The following ENOX1 variants were observed in gnomAD, a reference collection of about 807,000 sequenced individuals.
ENOX1 encodes the protein candidate growth-related and time keeping constitutive hydroquinone (NADH) oxidase.
Under a neutral mutation model 82.5 loss-of-function variants are expected in ENOX1, and 42 were observed. The observed-to-expected ratio is 0.51, with a 90% CI of 0.40 to 0.66. The LOEUF is 0.66. ENOX1 is among the 30% of genes least tolerant of loss of function. ENOX1 has a pLI of 0.00. For synonymous variants in ENOX1, 271 were observed against 282.2 expected (o/e 0.96, Z 0.40); for missense variants, 608 against 811.6 (o/e 0.75, Z 3.05).
chr13:43,614,021 C>G (rs2082305327), intron 2 of ENOX1, among the ~76,000 whole-genome samples: 1 of 152,082 alleles, frequency 6.6e-6, no homozygotes, highest in South Asian at 2.1e-4. Context: ...GTCAGCTGTC[C>G]TAGGAATGCA....
chr13:43,508,479 A>T (rs1291646831), intron 2 of ENOX1, among the ~76,000 whole-genome samples: 1 of 152,032 alleles, frequency 6.6e-6, no homozygotes. Flanking sequence ...ACACAGACTA[A>T]GTAATAGTCT....
intron 2 of ENOX1, among the ~76,000 whole-genome samples, chr13:43,592,151 C>A (rs563289207): frequency 3.0e-4 from 46 of 152,188 alleles, no homozygotes; most frequent in Non-Finnish European, 5.4e-4. Context: ...AATAATTTGA[C>A]CAACTTTTTG....
chr13:43,603,553 A>C, intron 2 of ENOX1, among the ~76,000 whole-genome samples: 1 of 135,580 alleles, frequency 7.4e-6, no homozygotes, highest in Admixed American at 7.6e-5. Context: ...CCACCCCACA[A>C]CAGGCCCTGG....
intron 10 of ENOX1, among the ~76,000 whole-genome samples, chr13:43,326,027 CT>C (rs2048092215): frequency 6.6e-6 from 1 of 151,820 alleles, no homozygotes; most frequent in African/African-American, 2.4e-5. Flanking sequence ...GAAAGGCGTA[CT>C]TGTCCAAAGA....
At chr13:43,700,863 T>C (rs1566792595) in intron 1 of ENOX1, among the ~76,000 whole-genome samples, 1 of 152,176 alleles carries the variant, frequency 6.6e-6, no homozygotes, top group Non-Finnish European at 1.5e-5. Context: ...TAAGATATAA[T>C]GATTGTGAAA....
chr13:43,398,197 C>T (rs1424631450), intron 5 of ENOX1, among the ~76,000 whole-genome samples: 1 of 152,198 alleles, frequency 6.6e-6, no homozygotes, highest in African/African-American at 2.4e-5. Flanking sequence ...ATAGCAGATA[C>T]TCAATACACG....
intron 2 of ENOX1, among the ~76,000 whole-genome samples, chr13:43,628,342 G>A (rs563837102): frequency 4.6e-5 from 7 of 152,148 alleles, no homozygotes; most frequent in South Asian, 2.1e-4. Context: ...CTATTGTTAT[G>A]TCTTCCAGTT....
In ENOX1 at chr13:43,412,870, C is replaced by G. The variant is rs1026676181; in HGVS notation, c.45G>C (p.Gln15His). The G allele has an allele frequency of 6.2e-7, 1 of 1,613,982 alleles. No individual in the cohort carries two copies. Reference protein sequence around the residue: ...GGVENITQLPQELPQMMAAAA... With the variant: ...GGVENITQLPHELPQMMAAAA... ...CTGCAGCCATCATCTGAGGAAGCTC[C>G]TGGGGAAGCTGGGTGATGTTCTCAA... Residue 15 changes from glutamine (Q) to histidine (H), a missense_variant, in exon 4 of 17, where the codon CAG becomes CAC. Gln to His is a conservative substitution (Grantham distance 24, BLOSUM62 0). Coordinates refer to ENST00000690772, the MANE Select transcript of ENOX1 (RefSeq NM_001347969.2).
chr13:43,344,658 T>C lies in ENOX1; in HGVS notation c.916A>G (p.Met306Val), dbSNP rs143851157. 5.0e-6 allele frequency: 8 copies of C among 1,614,014 alleles called. No individual in the cohort carries two copies. The highest frequency in any genetic ancestry group is 6.8e-6 in the Non-Finnish European group (8 of 1,180,020). Residue 306 changes from methionine (M) to valine (V), a missense_variant, in exon 9 of 17, where the codon ATG becomes GTG. Coordinates refer to ENST00000690772, the MANE Select transcript of ENOX1 (RefSeq NM_001347969.2). ...NRRSANQFYS[M>V]VQSANSHVRR... ...ACGTGGCTGTTGGCCGACTGCACCATGGAATAGAACTGGTTTGCAGAGCGC... is the reference window on the plus strand; with the variant it reads ...ACGTGGCTGTTGGCCGACTGCACCACGGAATAGAACTGGTTTGCAGAGCGC...
intron 10 of ENOX1, among the ~76,000 whole-genome samples, chr13:43,324,765 T>C (rs2048013458): frequency 6.6e-6 from 1 of 152,080 alleles, no homozygotes; most frequent in Admixed American, 6.5e-5. Context: ...TAGACCTGCA[T>C]GGAAGCCTTC....
chr13:43,327,193 C>G (rs987449133), intron 9 of ENOX1, among the ~76,000 whole-genome samples: 2 of 152,208 alleles, frequency 1.3e-5, no homozygotes, highest in Non-Finnish European at 2.9e-5. Context: ...CCAAAGCTCA[C>G]CCAACCAGTG....
intron 14 of ENOX1, among the ~76,000 whole-genome samples, chr13:43,256,132 C>G (rs2043732777): frequency 6.6e-6 from 1 of 152,164 alleles, no homozygotes; most frequent in South Asian, 2.1e-4. Context: ...CCCTCTCTCT[C>G]ACCATGTATG....
chr13:43,422,929 T>C (rs765476719), intron 3 of ENOX1, among the ~76,000 whole-genome samples: 1 of 152,124 alleles, frequency 6.6e-6, no homozygotes, highest in Non-Finnish European at 1.5e-5. Flanking sequence ...TGCCCCTCTT[T>C]CCATTAAAAA....
At chr13:43,543,913 C>CTTTTTTTTTTTTTTT (rs11324994) in intron 2 of ENOX1, 20 of 97,418 alleles carry the variant, frequency 2.1e-4, no homozygotes, top group Non-Finnish European at 3.2e-4. Flanking sequence ...TTTTCTTTTT[C>CTTTTTTTTTTTTTTT]TTTTTTTTTT....
intron 15 of ENOX1, among the ~76,000 whole-genome samples, chr13:43,231,553 C>A (rs1343752369): frequency 6.6e-6 from 1 of 152,108 alleles, no homozygotes; most frequent in Admixed American, 6.5e-5. Flanking sequence ...TCGATTAAAC[C>A]CCTCAGACTG....
chr13:43,412,822 C>T, intron 4 of ENOX1, 23 bp downstream of exon 4: 1 of 1,613,016 alleles, frequency 6.2e-7, no homozygotes, highest in Non-Finnish European at 8.5e-7. Flanking sequence ...TGTTTGTGTC[C>T]TGTGCTGGCC....
chr13:43,269,118 C>G (rs1189554532), intron 13 of ENOX1, among the ~76,000 whole-genome samples: 1 of 152,176 alleles, frequency 6.6e-6, no homozygotes, highest in Admixed American at 6.5e-5. Context: ...ATGGGTTATG[C>G]TGAACTCATT....
rs550093133 is a variant in ENOX1 at position 43,781,602 on chromosome 13, C to T, written c.-285+5050G>A. Among the ~76,000 whole-genome samples the T allele has an allele frequency of 1.6e-4, 24 of 152,194 alleles. No individual in the cohort carries two copies. The East Asian group carries it at 2.7e-3, about 17-fold the overall frequency. On this transcript the variant is annotated intron_variant, in intron 1 of 16. Transcript: ENST00000690772. ...AATCTTGGCTCACTGCAACCTCTGC[C>T]TCCCGGGTTCAAGCGATTCTCCTGC...
chr13:43,449,464 G>A (rs1398682201), intron 3 of ENOX1, among the ~76,000 whole-genome samples: 1 of 152,060 alleles, frequency 6.6e-6, no homozygotes, highest in Admixed American at 6.6e-5. Flanking sequence ...ATAAATGGGC[G>A]TATTTCTTAT....
Sources: allele counts gnomAD v4.1 joint callset (sites outside exome capture counted in the v4.1 genomes callset), GRCh38; gene constraint gnomAD v4.1.1; transcripts MANE v1.5; gene names NCBI Gene and HGNC (gene_info 2026-07-23, HGNC 2026-07-21).